The following RASAL2 variants were observed in gnomAD, a reference collection of about 807,000 sequenced individuals.
RASAL2 encodes the protein ras GTPase-activating protein nGAP.
Under a neutral mutation model 128.9 loss-of-function variants are expected in RASAL2, and 58 were observed. That is an observed-to-expected ratio of 0.45 (90% CI 0.36 to 0.56). The LOEUF is 0.56. Among genes scored for constraint, RASAL2 ranks in the 20% least tolerant of loss-of-function variants. The pLI is 0.00. For missense variants in RASAL2, 1,360 were observed against 1,601.6 expected, an observed-to-expected ratio of 0.85 and a Z score of 2.57; for synonymous variants, 561 against 580.8, an observed-to-expected ratio of 0.97 and a Z score of 0.49.
At chr1:178,126,084 C>G (rs1024995828) in intron 1 of RASAL2, among the ~76,000 whole-genome samples, 1 of 152,154 alleles carries the variant, frequency 6.6e-6, no homozygotes, top group African/African-American at 2.4e-5. Flanking sequence ...GTCATATGCT[C>G]TTACCTCTCT....
chr1:178,363,022 C>G (rs1399387642), intron 3 of RASAL2, among the ~76,000 whole-genome samples: 1 of 152,094 alleles, frequency 6.6e-6, no homozygotes, highest in Non-Finnish European at 1.5e-5. Context: ...AGTAGATACT[C>G]AGAAGAGGCG....
At chr1:178,372,748 C>G (rs1459677584) in intron 3 of RASAL2, among the ~76,000 whole-genome samples, 1 of 152,110 alleles carries the variant, frequency 6.6e-6, no homozygotes, top group Admixed American at 6.6e-5. Flanking sequence ...AGCTTTTATG[C>G]AAGGTGTGAA....
At chr1:178,177,172 A>G (rs1661925717) in intron 1 of RASAL2, among the ~76,000 whole-genome samples, 1 of 152,230 alleles carries the variant, frequency 6.6e-6, no homozygotes, top group Non-Finnish European at 1.5e-5. Context: ...TTGGAAAAAC[A>G]TAAGGCCTGA....
intron 1 of RASAL2, among the ~76,000 whole-genome samples, chr1:178,115,912 G>A (rs1212331640): frequency 6.6e-6 from 1 of 152,138 alleles, no homozygotes; most frequent in East Asian, 1.9e-4. Flanking sequence ...GGCAGATATT[G>A]GGAGAGATAG....
intron 3 of RASAL2, among the ~76,000 whole-genome samples, chr1:178,354,077 G>A (rs953946465): frequency 6.6e-6 from 1 of 152,108 alleles, no homozygotes; most frequent in African/African-American, 2.4e-5. Flanking sequence ...GACACATCAT[G>A]AAAGGACAAT....
At chr1:178,363,450 T>G (rs1490530236) in intron 3 of RASAL2, among the ~76,000 whole-genome samples, 1 of 152,242 alleles carries the variant, frequency 6.6e-6, no homozygotes, top group East Asian at 1.9e-4. Context: ...TGCGTAGGCC[T>G]CCTTTTCATT....
At chr1:178,270,334 C>G (rs973244274) in intron 1 of RASAL2, among the ~76,000 whole-genome samples, 1 of 151,952 alleles carries the variant, frequency 6.6e-6, no homozygotes. Context: ...TCTTGACCCT[C>G]CTAGATTGGT....
intron 3 of RASAL2, among the ~76,000 whole-genome samples, chr1:178,307,168 G>A (rs895045626): frequency 5.3e-5 from 8 of 151,594 alleles, no homozygotes; most frequent in African/African-American, 1.7e-4. Context: ...ACACATCAAC[G>A]TATTATGAGC....
intron 4 of RASAL2, among the ~76,000 whole-genome samples, chr1:178,411,051 A>G (rs1210693799): frequency 6.6e-6 from 1 of 152,148 alleles, no homozygotes; most frequent in East Asian, 1.9e-4. Flanking sequence ...AGTCATATGA[A>G]AAAGACACTT....
In RASAL2 at chr1:178,300,044, G is replaced by T. The variant is rs374036732; in HGVS notation, c.383G>T (p.Cys128Phe). The change falls in exon 3 of 18, where the codon TGC becomes TTC. Residue 128 changes from cysteine (C) to phenylalanine (F), a missense_variant. Cys to Phe is a radical substitution (Grantham distance 205, BLOSUM62 -2). Coordinates refer to ENST00000367649, the MANE Select transcript of RASAL2 (RefSeq NM_170692.4). ...EQQTDSTKGR[C>F]LRRTVSVPSE... is the part of the protein sequence containing the mutation. ...CAGACAGATTCCACCAAAGGGCGAT[G>T]CCTGAGGAGAACTGTCAGTGTCCCT... 4 of 1,613,898 alleles carry T rather than the reference G, an allele frequency of 2.5e-6. No individual in the cohort carries two copies. Among genetic ancestry groups the T allele is most frequent in the Non-Finnish European group, 3.4e-6 (4 of 1,179,940 alleles).
Position 178,276,500 on chromosome 1 carries a change from A to G in RASAL2, c.203-7064A>G, listed in dbSNP as rs55854605. 5.7e-3 allele frequency among the ~76,000 whole-genome samples: 857 copies of G among 151,112 alleles called. 11 individuals carry two copies. Among genetic ancestry groups the G allele is most frequent in the African/African-American group, 0.02 (803 of 40,768 alleles). On this transcript the variant is annotated intron_variant, in intron 1 of 17. Transcript: ENST00000367649. ...GCAGTATATTGTGGACTACTCCTCA[A>G]CCACATTACAATTTTTTTGTTTTTT...
chr1:178,409,333 A>T (rs1166649534), intron 4 of RASAL2, among the ~76,000 whole-genome samples: 1 of 152,156 alleles, frequency 6.6e-6, no homozygotes, highest in Admixed American at 6.5e-5. Context: ...ATGACACATA[A>T]GTGGGCATAC....
rs112595329 is a variant in RASAL2 at position 178,378,323 on chromosome 1, A to C, written c.458-11777A>C. ...ATAAAAATCACTAGGAAGACATAAC[A>C]ATCTTACATGTACCCAATAACAAAA... is the stretch of plus-strand genomic sequence containing the variant. On this transcript the variant is annotated intron_variant, in intron 3 of 17. Coordinates refer to ENST00000367649, the MANE Select transcript of RASAL2 (RefSeq NM_170692.4). Among the ~76,000 whole-genome samples, 619 of 152,210 alleles carry C rather than the reference A, an allele frequency of 4.1e-3. 3 individuals are homozygous for C. Among genetic ancestry groups the C allele is most frequent in the African/African-American group, 0.014 (563 of 41,550 alleles).
rs1185955965 is a variant in RASAL2, at chr1:178,260,599, A to G, written c.203-22965A>G. ...AAAGTCTTCCAAATAAGAAAAAACA[A>G]ATTCACTTACAGGTAAAATATTTCC... On this transcript the variant is annotated intron_variant, in intron 1 of 17. Transcript: ENST00000367649. Among the ~76,000 whole-genome samples, 8 of 151,278 alleles carry G rather than the reference A, an allele frequency of 5.3e-5. No individual in the cohort carries two copies. In the South Asian group the frequency reaches 1.7e-3, roughly 32 times the overall value.
At chr1:178,416,995 A>C (rs1238168536) in intron 4 of RASAL2, among the ~76,000 whole-genome samples, 3 of 138,530 alleles carry the variant, frequency 2.2e-5, no homozygotes, top group Non-Finnish European at 3.1e-5. Context: ...TTTTTTTGGC[A>C]TTTATGCTGC....
chr1:178,150,806 G>A (rs887951176), intron 1 of RASAL2, among the ~76,000 whole-genome samples: 3 of 152,078 alleles, frequency 2.0e-5, no homozygotes, highest in African/African-American at 7.2e-5. Flanking sequence ...TGAGTCACCA[G>A]TCATTCATCT....
intron 1 of RASAL2, among the ~76,000 whole-genome samples, chr1:178,270,995 G>A (rs1471492423): frequency 6.6e-6 from 1 of 152,136 alleles, no homozygotes; most frequent in East Asian, 1.9e-4. Context: ...TCTCAACTGT[G>A]ACAATTACTC....
At chr1:178,127,776 T>G (rs1411719108) in intron 1 of RASAL2, among the ~76,000 whole-genome samples, 1 of 152,054 alleles carries the variant, frequency 6.6e-6, no homozygotes, top group Non-Finnish European at 1.5e-5. Flanking sequence ...CCTATACATT[T>G]CCCCCTCAAT....
chr1:178,363,548 GT>G (rs1438846855), intron 3 of RASAL2, among the ~76,000 whole-genome samples: 1 of 152,046 alleles, frequency 6.6e-6, no homozygotes, highest in Non-Finnish European at 1.5e-5. Flanking sequence ...AATTAACATA[GT>G]TTTCATTGTA....
Sources: allele counts gnomAD v4.1 joint callset (sites outside exome capture counted in the v4.1 genomes callset), GRCh38; gene constraint gnomAD v4.1.1; transcripts MANE v1.5; gene names NCBI Gene and HGNC (gene_info 2026-07-23, HGNC 2026-07-21).